The following XXYLT1 variants were observed in gnomAD, a reference collection of about 807,000 sequenced individuals.
The protein encoded by XXYLT1 is UDP-xylose:alpha-xyloside alpha-1,3-xylosyltransferase.
In XXYLT1, 20 loss-of-function variants were observed where a neutral mutation model predicts 28.9. The observed-to-expected ratio is 0.69, with a 90% CI of 0.49 to 1.00. XXYLT1 has a LOEUF of 1.00. XXYLT1 is among the 50% of genes least tolerant of loss of function. XXYLT1 has a pLI of 0.00. For synonymous variants in XXYLT1, 257 were observed against 253.8 expected (o/e 1.01, Z -0.12); for missense variants, 542 against 560.1 (o/e 0.97, Z 0.33).
intron 1 of XXYLT1, among the ~76,000 whole-genome samples, chr3:195,260,383 C>T (rs988969204): frequency 2.0e-5 from 3 of 152,202 alleles, no homozygotes; most frequent in Non-Finnish European, 2.9e-5. Flanking sequence ...GCGCACATCC[C>T]GGAGCACAGG....
rs1182609192 is a variant in XXYLT1 at position 195,240,205 on chromosome 3, G to A, written c.505-13349C>T. On this transcript the variant is annotated intron_variant, in intron 1 of 3. Coordinates refer to ENST00000310380, the MANE Select transcript of XXYLT1 (RefSeq NM_152531.5). This position sits in a 1 kb window ranked among gnomAD's most constrained non-coding sequence, Gnocchi z 4.7. ...TTGGAAAGGCTCAACTCTTTCGAAA[G>A]GGACAGTGTAGGGAGGAGGGGAAAG... Among the ~76,000 whole-genome samples the A allele has an allele frequency of 2.0e-5, 3 of 152,214 alleles. No individual in the cohort carries two copies. Among genetic ancestry groups the A allele is most frequent in the Non-Finnish European group, 4.4e-5 (3 of 68,036 alleles).
chr3:195,245,945 C>T (rs950487248), intron 1 of XXYLT1, among the ~76,000 whole-genome samples: 2 of 152,212 alleles, frequency 1.3e-5, no homozygotes, highest in Non-Finnish European at 2.9e-5. Flanking sequence ...TTCTCTACAG[C>T]CTGCAGAACC....
At chr3:195,199,722 T>C (rs1722772819) in intron 2 of XXYLT1, among the ~76,000 whole-genome samples, 1 of 152,182 alleles carries the variant, frequency 6.6e-6, no homozygotes, top group Non-Finnish European at 1.5e-5. Flanking sequence ...CTCCCAAAGA[T>C]GGCTGTCCTG....
chr3:195,088,190 A>T (rs1166575407), intron 3 of XXYLT1, among the ~76,000 whole-genome samples: 5 of 151,776 alleles, frequency 3.3e-5, no homozygotes, highest in South Asian at 2.1e-4. Context: ...ACCACAGCTC[A>T]AGGAGGCCTG....
intron 3 of XXYLT1, among the ~76,000 whole-genome samples, chr3:195,080,478 C>T (rs1386278762): frequency 6.6e-6 from 1 of 151,916 alleles, no homozygotes; most frequent in East Asian, 1.9e-4. Flanking sequence ...TGCACCTGGC[C>T]CAGCTGGGCA....
chr3:195,148,927 G>A (rs1720028174), intron 3 of XXYLT1, among the ~76,000 whole-genome samples: 1 of 152,042 alleles, frequency 6.6e-6, no homozygotes, highest in African/African-American at 2.4e-5. Flanking sequence ...AAATAATCAG[G>A]GGAAGAGGAA....
chr3:195,252,878 C>T (rs887882394), intron 1 of XXYLT1, among the ~76,000 whole-genome samples: 1 of 152,076 alleles, frequency 6.6e-6, no homozygotes, highest in Non-Finnish European at 1.5e-5. Context: ...AGGGCAGGGG[C>T]GGCGAGGCGG....
chr3:195,100,295 G>A (rs1015546211), intron 3 of XXYLT1, among the ~76,000 whole-genome samples: 5 of 152,136 alleles, frequency 3.3e-5, no homozygotes, highest in African/African-American at 9.7e-5. Context: ...CACCTAGCAT[G>A]GGGTCCTATC....
Position 195,255,452 on chromosome 3 carries a change from T to C in XXYLT1, c.504+15103A>G, listed in dbSNP as rs1725443910. On this transcript the variant is annotated intron_variant, in intron 1 of 3. Coordinates refer to ENST00000310380, the MANE Select transcript of XXYLT1 (RefSeq NM_152531.5). The surrounding 1 kb of genome is among the most constrained non-coding windows in gnomAD (Gnocchi z 4.5). ...TTGGAGGGAGCCATGACTCTGGGCC[T>C]GCAGCTGAGGAGGCTGCAAAGCTTC... Among the ~76,000 whole-genome samples, 1 of 152,226 alleles carries C rather than the reference T, an allele frequency of 6.6e-6. No individual in the cohort carries two copies. The highest frequency in any genetic ancestry group is 6.5e-5 in the Admixed American group (1 of 15,278).
intron 3 of XXYLT1, among the ~76,000 whole-genome samples, chr3:195,144,590 C>G (rs1719733236): frequency 6.6e-6 from 1 of 152,000 alleles, no homozygotes; most frequent in Non-Finnish European, 1.5e-5. Flanking sequence ...ATTGGGCAGG[C>G]TGGTCTCGAA....
At chr3:195,213,775 G>T (rs1420513225) in intron 2 of XXYLT1, among the ~76,000 whole-genome samples, 1 of 152,152 alleles carries the variant, frequency 6.6e-6, no homozygotes, top group Non-Finnish European at 1.5e-5. Context: ...GCATCTCTCG[G>T]TATCAGGCCC....
rs1725502533 is a variant in XXYLT1, at chr3:195,257,002, A to C, written c.504+13553T>G. 6.6e-6 allele frequency among the ~76,000 whole-genome samples: 1 copy of C among 152,182 alleles called. No individual in the cohort carries two copies. Among genetic ancestry groups the C allele is most frequent in the Non-Finnish European group, 1.5e-5 (1 of 68,032 alleles). On this transcript the variant is annotated intron_variant, in intron 1 of 3. Transcript: ENST00000310380. The surrounding 1 kb of genome is among the most constrained non-coding windows in gnomAD (Gnocchi z 4.3). ...GGTAATGCAAGGGGGACAGTTCCAA[A>C]ACCCAAAACACCGCTGACACTTCAT...
At chr3:195,102,990 T>C (rs926196915) in intron 3 of XXYLT1, among the ~76,000 whole-genome samples, 1 of 152,244 alleles carries the variant, frequency 6.6e-6, no homozygotes, top group Non-Finnish European at 1.5e-5. Context: ...CTATCTCTTG[T>C]GTTTTTGACA....
At chr3:195,147,034 T>A (rs1214438757) in intron 3 of XXYLT1, 2 of 153,672 alleles carry the variant, frequency 1.3e-5, no homozygotes, top group Admixed American at 1.3e-4. Flanking sequence ...GAGGGAGAGG[T>A]GAGCCACTCA....
intron 2 of XXYLT1, among the ~76,000 whole-genome samples, chr3:195,192,303 T>G (rs1303426099): frequency 1.3e-5 from 2 of 151,946 alleles, no homozygotes; most frequent in African/African-American, 2.4e-5. Flanking sequence ...CATGCACCAG[T>G]AGTCCCAGCT....
intron 2 of XXYLT1, among the ~76,000 whole-genome samples, chr3:195,208,358 T>C (rs550966796): frequency 1.3e-5 from 2 of 152,236 alleles, no homozygotes; most frequent in Admixed American, 1.3e-4. Context: ...GTGTCAGCTC[T>C]ATATCTGAGA....
chr3:195,266,224 G>A (rs1437033199), intron 1 of XXYLT1, among the ~76,000 whole-genome samples: 2 of 152,122 alleles, frequency 1.3e-5, no homozygotes, highest in African/African-American at 2.4e-5. Flanking sequence ...GGCCGGGTGC[G>A]GTGGCTCACG....
intron 3 of XXYLT1, 141 bp from the exon 4 acceptor site, chr3:195,070,252 T>C: frequency 8.7e-7 from 1 of 1,152,984 alleles, no homozygotes; most frequent in Non-Finnish European, 1.2e-6. Flanking sequence ...CACCAGCAAG[T>C]GGCAGAGCTG....
At chr3:195,232,018 G>A (rs116268654) in intron 1 of XXYLT1, among the ~76,000 whole-genome samples, 2,220 of 152,074 alleles carry the variant, frequency 0.015, 59 homozygotes, top group African/African-American at 0.049. Flanking sequence ...TTGCATCCTT[G>A]GCTTTTCTTT....
Sources: gnomAD v4.1 joint callset for allele counts (sites outside exome capture counted in the v4.1 genomes callset) on GRCh38, gnomAD v4.1.1 for gene constraint, Gnocchi (gnomAD v3.1) non-coding constraint, MANE v1.5 for transcripts, NCBI Gene and HGNC (gene_info 2026-07-23, HGNC 2026-07-21) for gene names.